ABCC3: variants seen among roughly 807,000 people sequenced by gnomAD.
ABCC3 encodes the protein ATP-binding cassette sub-family C member 3.
A neutral mutation model predicts 165.3 loss-of-function variants in ABCC3; 121 were observed. That is an observed-to-expected ratio of 0.73 (90% CI 0.63 to 0.85). The LOEUF is 0.85. Ranked by LOEUF, ABCC3 falls within the 40% of genes least tolerant of loss-of-function variation. ABCC3 has a pLI of 0.00. For synonymous variants in ABCC3, 733 were observed against 810.1 expected, an observed-to-expected ratio of 0.90 and a Z score of 1.62; for missense variants, 1,869 against 1,964.1, an observed-to-expected ratio of 0.95 and a Z score of 0.92.
chr17:50,635,566 C>T (rs2054172051), intron 1 of ABCC3: 2 of 702,590 alleles, frequency 2.8e-6, no homozygotes, highest in African/African-American at 1.7e-5. Flanking sequence ...CCACTCCGGA[C>T]TCAGAAGGGA....
chr17:50,669,982 G>C (rs1239741739), intron 17 of ABCC3, among the ~76,000 whole-genome samples: 1 of 151,992 alleles, frequency 6.6e-6, no homozygotes, highest in East Asian at 1.9e-4. Context: ...TTTTTTTAGA[G>C]ACAGCGTCTT....
intron 1 of ABCC3, among the ~76,000 whole-genome samples, chr17:50,655,099 CAAA>C (rs66488957): frequency 2.3e-5 from 1 of 43,538 alleles, no homozygotes; most frequent in Non-Finnish European, 4.1e-5. Flanking sequence ...GACTCCATCT[CAAA>C]AAAAAAAAAA....
intron 6 of ABCC3, 77 bp from the exon 7 acceptor site, chr17:50,659,160 A>T (rs1183331313): frequency 1.3e-6 from 2 of 1,565,296 alleles, no homozygotes; most frequent in Non-Finnish European, 1.7e-6. Flanking sequence ...GGGGCCCTGG[A>T]GACACTGACC....
intron 1 of ABCC3, among the ~76,000 whole-genome samples, chr17:50,653,162 A>G (rs534716712): frequency 2.0e-5 from 3 of 151,914 alleles, no homozygotes; most frequent in Admixed American, 6.6e-5. Flanking sequence ...CCTGGCCTAC[A>G]TGGTGAAACC....
Position 50,675,868 on chromosome 17 carries a change from G to T in ABCC3, c.2860-15G>T, listed in dbSNP as rs1967792112. The T allele has an allele frequency of 6.2e-7, 1 of 1,613,756 alleles. No homozygotes were observed. The highest frequency in any genetic ancestry group is 8.5e-7 in the Non-Finnish European group (1 of 1,179,924). ...GGAGTCCCCTGTCCCTGACTGCCATGGCTGCTCCCTACAGGTGGAGCTCAG... is the reference window on the plus strand; with the variant it reads ...GGAGTCCCCTGTCCCTGACTGCCATTGCTGCTCCCTACAGGTGGAGCTCAG... On this transcript the variant is annotated splice_polypyrimidine_tract_variant and intron_variant, in intron 21 of 30. Transcript: ENST00000285238.
At chr17:50,690,731 G>A (rs1351629246) in intron 30 of ABCC3, among the ~76,000 whole-genome samples, 5 of 152,182 alleles carry the variant, frequency 3.3e-5, no homozygotes, top group African/African-American at 9.7e-5. Flanking sequence ...TTTGTGAGCC[G>A]ACACAAAGCA....
rs1395782079 is a variant in ABCC3 at position 50,683,601 on chromosome 17, TCC to T, written c.3808-8_3808-7del. The T allele has an allele frequency of 6.5e-7, 1 of 1,550,190 alleles. No homozygotes were observed. The highest frequency in any genetic ancestry group is 2.3e-5 in the East Asian group (1 of 43,008). The stretch of plus-strand genomic sequence containing the variant: ...CAGCTGATGTGACCCCATCTGCCCC[TCC>T]TGCCAGGCGCCCTGGGTGGTGGAAG... On this transcript the variant is annotated splice_region_variant and splice_polypyrimidine_tract_variant and intron_variant, in intron 26 of 30. Coordinates refer to ENST00000285238, the MANE Select transcript of ABCC3 (RefSeq NM_003786.4).
intron 29 of ABCC3, among the ~76,000 whole-genome samples, chr17:50,686,217 C>T (rs1399589350): frequency 6.6e-6 from 1 of 152,206 alleles, no homozygotes; most frequent in Non-Finnish European, 1.5e-5. Context: ...TTACATTTGC[C>T]CAGCACTTAA....
chr17:50,676,621 G>A, intron 23 of ABCC3, 33 bp downstream of exon 23: 2 of 1,563,134 alleles, frequency 1.3e-6, no homozygotes, highest in South Asian at 1.2e-5. Context: ...GTGTGGGCGT[G>A]GTGTTATTGG....
chr17:50,640,886 C>T (rs1313745509), intron 1 of ABCC3, among the ~76,000 whole-genome samples: 2 of 152,164 alleles, frequency 1.3e-5, no homozygotes, highest in Non-Finnish European at 2.9e-5. Flanking sequence ...TTGCTCTCTC[C>T]ACGCCTTCAT....
At chr17:50,648,270 T>G (rs1255967472) in intron 1 of ABCC3, among the ~76,000 whole-genome samples, 1 of 152,074 alleles carries the variant, frequency 6.6e-6, no homozygotes, top group Non-Finnish European at 1.5e-5. Flanking sequence ...AGAGAACAAC[T>G]GAAACCAAAG....
At position 50,691,127 on chromosome 17, in the gene ABCC3, T is replaced by C. The variant is rs1166512440; in HGVS notation, c.4511T>C (p.Phe1504Ser). Residue 1504 changes from phenylalanine (F) to serine (S), a missense_variant, in exon 31 of 31, where the codon TTT becomes TCT. By Grantham distance (155) the Phe-to-Ser change is radical. Transcript: ENST00000285238. ...CTGGACAAAGGAGTAGTAGCTGAATTTGATTCTCCAGCCAACCTCATTGCA... is the reference window on the plus strand; with the variant it reads ...CTGGACAAAGGAGTAGTAGCTGAATCTGATTCTCCAGCCAACCTCATTGCA... ...LVLDKGVVAEFDSPANLIAAR... is the reference protein window; with the variant it reads ...LVLDKGVVAESDSPANLIAAR... The C allele has an allele frequency of 6.2e-7, 1 of 1,614,050 alleles. No homozygotes were observed. The highest frequency in any genetic ancestry group is 1.3e-5 in the African/African-American group (1 of 74,928).
At chr17:50,684,550 A>G (rs1361635158) in intron 28 of ABCC3, among the ~76,000 whole-genome samples, 159 bp from the exon 29 acceptor site, 1 of 152,110 alleles carries the variant, frequency 6.6e-6, no homozygotes, top group South Asian at 2.1e-4. Flanking sequence ...ACTCCCCTAC[A>G]GGCAATTTTC....
intron 7 of ABCC3, among the ~76,000 whole-genome samples, chr17:50,660,446 C>A (rs1458112191): frequency 6.6e-6 from 1 of 152,150 alleles, no homozygotes; most frequent in African/African-American, 2.4e-5. Flanking sequence ...GTTGGAGGAG[C>A]CTGGGGCTGG....
In ABCC3 at chr17:50,691,143, C is replaced by T. The variant is rs1372135477; in HGVS notation, c.4527C>T (p.Asn1509=). 16 of 1,614,058 alleles carry T rather than the reference C, an allele frequency of 9.9e-6. No homozygotes were observed. The highest frequency in any genetic ancestry group is 1.3e-5 in the African/African-American group (1 of 74,924). The change falls in exon 31 of 31, where the codon AAC becomes AAT. Residue 1509 remains asparagine (N), a synonymous_variant. Transcript: ENST00000285238. The part of the protein sequence containing the change: ...GVVAEFDSPA[N]LIAARGIFYG... ...TAGCTGAATTTGATTCTCCAGCCAA[C>T]CTCATTGCAGCTAGAGGCATCTTCT...
At chr17:50,659,205 G>A (rs373682297) in intron 6 of ABCC3, 32 bp from the exon 7 acceptor site, 48 of 1,610,660 alleles carry the variant, frequency 3.0e-5, no homozygotes, top group Non-Finnish European at 3.4e-5. Flanking sequence ...GACCCTCTGC[G>A]GGGCTGCCTG....
chr17:50,646,241 A>G (rs978321854), intron 1 of ABCC3, among the ~76,000 whole-genome samples: 3 of 152,152 alleles, frequency 2.0e-5, no homozygotes, highest in Non-Finnish European at 4.4e-5. Flanking sequence ...CCAGGAAGAG[A>G]GAAGAGCAAG....
intron 6 of ABCC3, 45 bp from the exon 7 acceptor site, chr17:50,659,192 C>A (rs771559443): frequency 6.2e-7 from 1 of 1,606,786 alleles, no homozygotes; most frequent in Non-Finnish European, 8.5e-7. Flanking sequence ...GCTGCTAAAC[C>A]CTGACCCTCT....
Position 50,676,889 on chromosome 17 carries a change from G to T in ABCC3, c.3378+301G>T, listed in dbSNP as rs3892688. ...TTTCCTGTTGGCTTTTTTTTTTTGG[G>T]GGGGGGGGGACGGAATCTCGAGTCT... On this transcript the variant is annotated intron_variant, in intron 23 of 30. Coordinates refer to ENST00000285238, the MANE Select transcript of ABCC3 (RefSeq NM_003786.4). Among the ~76,000 whole-genome samples the T allele has an allele frequency of 5.8e-3, 51 of 8,734 alleles. No individual in the cohort carries two copies. Among genetic ancestry groups the T allele is most frequent in the Middle Eastern group, 0.05 (1 of 20 alleles). The allele number at this position is 8,734 out of a possible 152,430, so 5.7% of individuals were successfully genotyped here.
Sources: gnomAD v4.1 joint callset for allele counts (sites outside exome capture counted in the v4.1 genomes callset) on GRCh38, gnomAD v4.1.1 for gene constraint, MANE v1.5 for transcripts, NCBI Gene and HGNC (gene_info 2026-07-23, HGNC 2026-07-21) for gene names.